The following RGS9 variants were observed in gnomAD, a reference collection of about 807,000 sequenced individuals.
RGS9 encodes regulator of G-protein signalling 9.
RGS9 carries 78 observed loss-of-function variants against 102.0 expected under a neutral mutation model. The ratio of observed to expected loss-of-function variants is 0.76; its 90% CI spans 0.64 to 0.92. RGS9 has a LOEUF of 0.92. Ranked by LOEUF, RGS9 falls within the 40% of genes least tolerant of loss-of-function variation. The probability of loss-of-function intolerance (pLI) is 0.00; values close to 1 mark genes in which losing one functional copy is unlikely to be tolerated. For missense variants in RGS9, 833 were observed against 866.1 expected, an observed-to-expected ratio of 0.96 and a Z score of 0.48; for synonymous variants, 353 against 318.6, an observed-to-expected ratio of 1.11 and a Z score of -1.15.
intron 17 of RGS9, among the ~76,000 whole-genome samples, chr17:65,217,899 A>G (rs998126202): frequency 1.3e-5 from 2 of 152,200 alleles, no homozygotes; most frequent in African/African-American, 2.4e-5. Flanking sequence ...GGTAAGATCA[A>G]TTTTAATGAT....
chr17:65,211,345 T>C (rs1913290682), intron 17 of RGS9, among the ~76,000 whole-genome samples: 1 of 152,124 alleles, frequency 6.6e-6, no homozygotes, highest in Non-Finnish European at 1.5e-5. Flanking sequence ...CTTCTTCCCA[T>C]CTCCCCATCC....
intron 1 of RGS9, among the ~76,000 whole-genome samples, chr17:65,145,937 G>C (rs1405619215): frequency 5.3e-5 from 8 of 152,084 alleles, no homozygotes; most frequent in African/African-American, 1.7e-4. Flanking sequence ...TCCACGTGAC[G>C]TTCCCTCCTC....
chr17:65,148,272 A>G (rs1275814747), intron 1 of RGS9, among the ~76,000 whole-genome samples: 1 of 152,176 alleles, frequency 6.6e-6, no homozygotes, highest in African/African-American at 2.4e-5. Flanking sequence ...AAGCCAAACA[A>G]TGTTCTTTTG....
chr17:65,183,061 A>AATCTATCT (rs68149271), intron 9 of RGS9, among the ~76,000 whole-genome samples: 1,563 of 114,396 alleles, frequency 0.014, 16 homozygotes, highest in East Asian at 0.037. Flanking sequence ...AATTTTTTTA[A>AATCTATCT]ATCTATCTAT....
intron 17 of RGS9, 54 bp from the exon 18 acceptor site, chr17:65,224,948 G>C: frequency 6.2e-7 from 1 of 1,607,766 alleles, no homozygotes. Flanking sequence ...CAGGGGCCCT[G>C]CTGGCTGGGG....
intron 8 of RGS9, among the ~76,000 whole-genome samples, chr17:65,174,315 A>T (rs941513606): frequency 5.9e-5 from 9 of 152,232 alleles, no homozygotes; most frequent in South Asian, 2.1e-4. Context: ...GCGCCTGTGG[A>T]ATAGCAGCCA....
At chr17:65,143,584 C>T (rs188775644) in intron 1 of RGS9, among the ~76,000 whole-genome samples, 1 of 152,136 alleles carries the variant, frequency 6.6e-6, no homozygotes, top group Admixed American at 6.5e-5. Flanking sequence ...GTGTTCGAGA[C>T]TAGCCTGGGC....
chr17:65,145,299 G>T (rs1044692176), intron 1 of RGS9, among the ~76,000 whole-genome samples: 13 of 151,948 alleles, frequency 8.6e-5, no homozygotes, highest in African/African-American at 2.9e-4. Flanking sequence ...CACCTTATTG[G>T]CCAGGCTGGT....
chr17:65,225,385 C>T lies in RGS9; in HGVS notation c.1791C>T (p.Ala597=). The change falls in exon 18 of 19, where the codon GCC becomes GCT. Residue 597 remains alanine (A), a synonymous_variant. Coordinates refer to ENST00000262406, the MANE Select transcript of RGS9 (RefSeq NM_003835.4). The part of the protein sequence containing the change: ...RRGCLASPVF[A]RLSPKCPAVS... ...GCTGTCTGGCCTCACCTGTCTTTGCCAGGCTCTCACCCAAGTGCCCTGCTG... is the reference window on the plus strand; with the variant it reads ...GCTGTCTGGCCTCACCTGTCTTTGCTAGGCTCTCACCCAAGTGCCCTGCTG... 7.4e-6 allele frequency: 12 copies of T among 1,611,884 alleles called. No homozygotes were observed. The highest frequency in any genetic ancestry group is 1.0e-5 in the Non-Finnish European group (12 of 1,180,040).
chr17:65,141,936 G>A (rs192999005), intron 1 of RGS9, among the ~76,000 whole-genome samples: 34 of 152,310 alleles, frequency 2.2e-4, no homozygotes, highest in East Asian at 1.5e-3. Flanking sequence ...TGAGTTTGGC[G>A]TTGATGGAGA....
chr17:65,158,068 G>A (rs116342721), intron 2 of RGS9, among the ~76,000 whole-genome samples: 5,332 of 152,122 alleles, frequency 0.035, 309 homozygotes, highest in African/African-American at 0.12. Flanking sequence ...CTGGGGGTGC[G>A]TGCGGTGTTA....
At chr17:65,158,367 A>G in intron 3 of RGS9, 22 bp downstream of exon 3, 1 of 1,611,566 alleles carries the variant, frequency 6.2e-7, no homozygotes, top group South Asian at 1.1e-5. Context: ...TCTGGCACTC[A>G]GTTATCCGGG....
chr17:65,208,307 T>C (rs1326732062), intron 16 of RGS9, among the ~76,000 whole-genome samples: 1 of 152,226 alleles, frequency 6.6e-6, no homozygotes, highest in Non-Finnish European at 1.5e-5. Flanking sequence ...TCCTTGGTTT[T>C]TTAACTGCTA....
intron 1 of RGS9, among the ~76,000 whole-genome samples, chr17:65,139,299 A>G (rs553326322): frequency 1.8e-4 from 24 of 132,080 alleles, no homozygotes; most frequent in Non-Finnish European, 2.7e-4. Flanking sequence ...CCTCCATGAC[A>G]GCTTTCCTAC....
intron 1 of RGS9, 105 bp from the exon 2 acceptor site, chr17:65,153,317 T>C (rs1057472652): frequency 1.2e-5 from 11 of 948,068 alleles, no homozygotes; most frequent in Non-Finnish European, 1.9e-5. Context: ...GGAACCCCTG[T>C]GTCCACCTTT....
intron 14 of RGS9, among the ~76,000 whole-genome samples, chr17:65,202,410 T>G (rs866307600): frequency 1.4e-3 from 154 of 112,286 alleles, no homozygotes; most frequent in African/African-American, 4.6e-3. Context: ...TCCTGAGGGG[T>G]GTGTGTGTGT....
chr17:65,179,988 CT>C (rs1195657597), intron 9 of RGS9: 1 of 152,320 alleles, frequency 6.6e-6, no homozygotes, highest in African/African-American at 2.4e-5. Flanking sequence ...CTCTCTCTCT[CT>C]TCCCAGCTAT....
chr17:65,201,863 G>A lies in RGS9; in HGVS notation c.977-130G>A, dbSNP rs59024552. 8.0e-3 allele frequency: 5,506 copies of A among 692,548 alleles called. 219 individuals carry two copies. The African/African-American group carries it at 0.083, about 10-fold the overall frequency. The allele number at this position is 692,548 out of a possible 1,614,324, so 42.9% of individuals were successfully genotyped here. The stretch of plus-strand genomic sequence containing the variant: ...CACAATGTGCAATAGCTTGTTCTGC[G>A]GCAGGAAAGGTGTTCACTGAGCTGG... On this transcript the variant is annotated intron_variant, in intron 13 of 18. Coordinates refer to ENST00000262406, the MANE Select transcript of RGS9 (RefSeq NM_003835.4).
intron 13 of RGS9, among the ~76,000 whole-genome samples, 188 bp downstream of exon 13, chr17:65,197,429 C>T (rs1180955670): frequency 2.0e-5 from 3 of 152,130 alleles, no homozygotes; most frequent in Non-Finnish European, 2.9e-5. Context: ...TTTCCATAGA[C>T]TCAAAGAGGC....
Sources: allele counts gnomAD v4.1 joint callset (sites outside exome capture counted in the v4.1 genomes callset), GRCh38; gene constraint gnomAD v4.1.1; transcripts MANE v1.5; gene names NCBI Gene and HGNC (gene_info 2026-07-23, HGNC 2026-07-21).